SH3TC2: variants seen among roughly 807,000 people sequenced by gnomAD.
SH3TC2 encodes SH3 domain and tetratricopeptide repeats 2.
SH3TC2 carries 87 observed loss-of-function variants against 124.5 expected under a neutral mutation model. That is an observed-to-expected ratio of 0.70 (90% CI 0.59 to 0.84). SH3TC2 has a LOEUF of 0.84. Ranked by LOEUF, SH3TC2 falls within the 40% of genes least tolerant of loss-of-function variation. The pLI, the probability that SH3TC2 is intolerant of heterozygous loss-of-function variation, is 0.00. For synonymous variants in SH3TC2, 634 were observed against 628.5 expected (o/e 1.01, Z -0.13); for missense variants, 1,536 against 1,566.4 (o/e 0.98, Z 0.33).
In SH3TC2 at chr5:149,028,447, C is replaced by A. The variant is rs111995807; in HGVS notation, c.1285G>T (p.Glu429Ter). 6.2e-7 allele frequency: 1 copy of A among 1,613,138 alleles called. No homozygotes were observed. Among genetic ancestry groups the A allele is most frequent in the Non-Finnish European group, 8.5e-7 (1 of 1,179,476 alleles). Residue 429 changes from glutamate to a stop codon, truncating the protein, a stop_gained, in exon 11 of 17, where the codon GAG becomes TAG. Coordinates refer to ENST00000515425, the MANE Select transcript of SH3TC2 (RefSeq NM_024577.4). LOFTEE classifies it high-confidence loss of function. ...TCTGAGGTGGCCGAGAGGAGCTCCT[C>A]CTCCAGGCTGGAGTCCTCAGAGCTG... ...SSSSEDSSLE[E>*]ELLSATSDSY... is the part of the protein sequence containing the mutation.
At chr5:149,005,635 G>A (rs982752244) in intron 16 of SH3TC2, among the ~76,000 whole-genome samples, 2 of 152,136 alleles carry the variant, frequency 1.3e-5, no homozygotes, top group African/African-American at 4.8e-5. Context: ...ACTACCCCCG[G>A]CCCTCCCTAC....
At position 148,984,093 on chromosome 5, in the gene SH3TC2, G is replaced by A. The variant is rs370869298; in HGVS notation, c.*20618C>T. Among the ~76,000 whole-genome samples the A allele has an allele frequency of 2.0e-5, 3 of 152,094 alleles. No individual in the cohort carries two copies. The highest frequency in any genetic ancestry group is 2.9e-5 in the Non-Finnish European group (2 of 67,996). On this transcript the variant is annotated 3_prime_UTR_variant, in exon 17 of 17. Coordinates refer to ENST00000515425, the MANE Select transcript of SH3TC2 (RefSeq NM_024577.4). ...TGATATCACTTCCCAGATTTGGGAC[G>A]TTTTCAGCTATTATTTCTTTAGATA...
In SH3TC2 at chr5:149,026,573, T is replaced by G; in HGVS notation, c.3052A>C (p.Arg1018=). 1 of 1,613,876 alleles carries G rather than the reference T, an allele frequency of 6.2e-7. No individual in the cohort carries two copies. Among genetic ancestry groups the G allele is most frequent in the Non-Finnish European group, 8.5e-7 (1 of 1,180,026 alleles). The part of the protein sequence containing the change: ...GQLYRNLNTA[R]SLRRSLTCIK... ...GGACAGTTCCTGACCCTGACTCACCTGGCGGTATTTAGGTTCCGATAAAGC... is the reference window on the plus strand; with the variant it reads ...GGACAGTTCCTGACCCTGACTCACCGGGCGGTATTTAGGTTCCGATAAAGC... Residue 1018 remains arginine, a splice_region_variant and synonymous_variant, in exon 12 of 17, where the codon AGG becomes CGG. Coordinates refer to ENST00000515425, the MANE Select transcript of SH3TC2 (RefSeq NM_024577.4).
At chr5:149,045,975 A>G (rs989723520) in intron 3 of SH3TC2, 5 of 431,474 alleles carry the variant, frequency 1.2e-5, no homozygotes, top group Non-Finnish European at 1.9e-5. Context: ...AAAAAAAAGC[A>G]GGTCTGAATC....
rs924576432 is a variant in SH3TC2 at position 149,041,628 on chromosome 5, T to C, written c.530-11A>G. Reference sequence around the variant, plus strand: ...TGCAGAAGAAGTGGCCTGTGGATAATGAGAAAAGCAATGGCTTTCTAAGGA... The same window carrying C: ...TGCAGAAGAAGTGGCCTGTGGATAACGAGAAAAGCAATGGCTTTCTAAGGA... On this transcript the variant is annotated splice_polypyrimidine_tract_variant and intron_variant, in intron 5 of 16. Transcript: ENST00000515425. The C allele has an allele frequency of 1.2e-6, 2 of 1,613,982 alleles. No homozygotes were observed. The highest frequency in any genetic ancestry group is 2.2e-5 in the South Asian group (2 of 91,056).
chr5:149,054,735 G>T (rs1043510387), intron 1 of SH3TC2, among the ~76,000 whole-genome samples: 8 of 152,198 alleles, frequency 5.3e-5, no homozygotes, highest in Admixed American at 1.3e-4. Context: ...GGTTGCTGTC[G>T]CTCTGCAGGG....
At chr5:149,043,866 G>A (rs1754413307) in intron 4 of SH3TC2, 1 of 153,210 alleles carries the variant, frequency 6.5e-6, no homozygotes, top group East Asian at 1.9e-4. Flanking sequence ...ATGTCGGCAT[G>A]GAGCCCAGCA....
intron 5 of SH3TC2, among the ~76,000 whole-genome samples, chr5:149,042,182 G>GATGA (rs1754383082): frequency 6.6e-6 from 1 of 152,220 alleles, no homozygotes; most frequent in Non-Finnish European, 1.5e-5. Context: ...TTAATTGGTA[G>GATGA]ATGATAACCT....
Position 149,028,527 on chromosome 5 carries a change from A to G in SH3TC2, c.1205T>C (p.Val402Ala). The change falls in exon 11 of 17, where the codon GTC becomes GCC. Residue 402 changes from valine (V) to alanine (A), a missense_variant. Physicochemically the swap from Val to Ala is moderately conservative, Grantham distance 64 (BLOSUM62 0). Around this residue, in one of 3 missense-constraint regions of SH3TC2, gnomAD observed 1,102 missense variants for 1,098.6 expected, o/e 1.00. Transcript: ENST00000515425. ...CTCCTCCCAGGCTCTGCCAGGCCTGACCTCCTTGAAACCTTCAGGCTGGGA... is the reference window on the plus strand; with the variant it reads ...CTCCTCCCAGGCTCTGCCAGGCCTGGCCTCCTTGAAACCTTCAGGCTGGGA... ...SASQPEGFKEVRPGRAWEEHQ... is the reference protein window; with the variant it reads ...SASQPEGFKEARPGRAWEEHQ... 2 of 1,613,920 alleles carry G rather than the reference A, an allele frequency of 1.2e-6. No individual in the cohort carries two copies. Among genetic ancestry groups the G allele is most frequent in the Non-Finnish European group, 1.7e-6 (2 of 1,179,896 alleles).
rs1453814233 is a variant in SH3TC2, at chr5:148,994,621, T to C, written c.*10090A>G. On this transcript the variant is annotated 3_prime_UTR_variant, in exon 17 of 17. Coordinates refer to ENST00000515425, the MANE Select transcript of SH3TC2 (RefSeq NM_024577.4). ...TTAGATGGTTGGTTGGTTGGTTGGTTGGTTGGTTGGTTGGTTGGTTGGTTG... is the reference window on the plus strand; with the variant it reads ...TTAGATGGTTGGTTGGTTGGTTGGTCGGTTGGTTGGTTGGTTGGTTGGTTG... 6.7e-6 allele frequency among the ~76,000 whole-genome samples: 1 copy of C among 149,990 alleles called. No homozygotes were observed. The highest frequency in any genetic ancestry group is 6.7e-5 in the Admixed American group (1 of 14,970).
At chr5:149,005,135 C>T (rs1753665334) in intron 16 of SH3TC2, among the ~76,000 whole-genome samples, 1 of 152,168 alleles carries the variant, frequency 6.6e-6, no homozygotes, top group South Asian at 2.1e-4. Context: ...GAGGTGGTCC[C>T]TTACTGAGGC....
intron 15 of SH3TC2, chr5:149,007,332 A>G (rs1753708172): frequency 8.2e-6 from 5 of 609,114 alleles, no homozygotes; most frequent in Non-Finnish European, 1.5e-5. Flanking sequence ...GCAGGGCTCT[A>G]TAAGAGTGAC....
intron 13 of SH3TC2, 98 bp from the exon 14 acceptor site, chr5:149,010,490 A>C: frequency 6.6e-7 from 1 of 1,526,272 alleles, no homozygotes; most frequent in Non-Finnish European, 8.9e-7. Context: ...AAATCAACTA[A>C]TCCTCTGCTA....
chr5:149,030,421 C>T (rs1403726241), intron 9 of SH3TC2, among the ~76,000 whole-genome samples: 1 of 152,218 alleles, frequency 6.6e-6, no homozygotes, highest in African/African-American at 2.4e-5. Flanking sequence ...CTTACATCCT[C>T]CCCACCACTG....
At chr5:149,055,310 G>A (rs925877138) in intron 1 of SH3TC2, among the ~76,000 whole-genome samples, 4 of 152,020 alleles carry the variant, frequency 2.6e-5, no homozygotes, top group African/African-American at 9.7e-5. Flanking sequence ...AATATATAAG[G>A]AATGCCAAAA....
At chr5:149,017,086 C>T (rs1039966353) in intron 12 of SH3TC2, among the ~76,000 whole-genome samples, 1 of 152,150 alleles carries the variant, frequency 6.6e-6, no homozygotes, top group African/African-American at 2.4e-5. Flanking sequence ...GTGGCACTTA[C>T]CACAATTTAT....
Position 148,982,672 on chromosome 5 carries a change from A to G in SH3TC2, c.*22039T>C, listed in dbSNP as rs577842925. ...TGTATAGTATGCTATAATATTTAAA[A>G]TGGCGGGAGAGTATGTCACTGAATT... On this transcript the variant is annotated 3_prime_UTR_variant, in exon 17 of 17. Coordinates refer to ENST00000515425, the MANE Select transcript of SH3TC2 (RefSeq NM_024577.4). Among the ~76,000 whole-genome samples, 42 of 152,324 alleles carry G rather than the reference A, an allele frequency of 2.8e-4. No individual in the cohort carries two copies. Among genetic ancestry groups the G allele is most frequent in the African/African-American group, 9.6e-4 (40 of 41,580 alleles).
At chr5:149,051,278 A>G (rs1230068385) in intron 2 of SH3TC2, among the ~76,000 whole-genome samples, 1 of 152,238 alleles carries the variant, frequency 6.6e-6, no homozygotes, top group Non-Finnish European at 1.5e-5. Context: ...TCTGCTTCTG[A>G]AAGATTCGTA....
At position 149,026,972 on chromosome 5, in the gene SH3TC2, T is replaced by C; in HGVS notation, c.2760A>G (p.Val920=). ...CTTGGGCCAACCAGAGAAACACCTG[T>C]ACTAATTCCATGTCTGTCTCCTTAC... The part of the protein sequence containing the change: ...QASKETDMEL[V]QVFLWLAQVL... The change falls in exon 11 of 17, where the codon GTA becomes GTG. Residue 920 remains valine (V), a synonymous_variant. Coordinates refer to ENST00000515425, the MANE Select transcript of SH3TC2 (RefSeq NM_024577.4). The C allele has an allele frequency of 4.3e-6, 7 of 1,614,170 alleles. No homozygotes were observed. The highest frequency in any genetic ancestry group is 1.3e-5 in the African/African-American group (1 of 75,056).
Sources: gnomAD v4.1 joint callset for allele counts (sites outside exome capture counted in the v4.1 genomes callset) on GRCh38, gnomAD v4.1.1 for gene constraint, gnomAD v4.1.1 regional missense constraint, MANE v1.5 for transcripts, NCBI Gene and HGNC (gene_info 2026-07-23, HGNC 2026-07-21) for gene names.